The following PLAC8L1 variants were observed in gnomAD, a reference collection of about 807,000 sequenced individuals.
The protein encoded by PLAC8L1 is PLAC8-like protein 1.
In PLAC8L1, 13 loss-of-function variants were observed where a neutral mutation model predicts 16.3. That is an observed-to-expected ratio of 0.80 (90% CI 0.52 to 1.27). PLAC8L1 has a LOEUF of 1.27. Ranked by LOEUF, PLAC8L1 falls within the 50% of genes most tolerant of loss-of-function variation. The pLI, the probability that PLAC8L1 is intolerant of heterozygous loss-of-function variation, is 0.00. For synonymous variants in PLAC8L1, 78 were observed against 79.3 expected, an observed-to-expected ratio of 0.98 and a Z score of 0.09; for missense variants, 184 against 220.2, an observed-to-expected ratio of 0.84 and a Z score of 1.04.
chr5:146,085,593 G>C lies in PLAC8L1; in HGVS notation c.261C>G (p.Phe87Leu). 6.2e-7 allele frequency: 1 copy of C among 1,610,900 alleles called. No individual in the cohort carries two copies. The highest frequency in any genetic ancestry group is 1.1e-5 in the South Asian group (1 of 90,428). The change falls in exon 3 of 4, where the codon TTC becomes TTG. Residue 87 changes from phenylalanine (F) to leucine (L), a missense_variant. Physicochemically the swap from Phe to Leu is conservative, Grantham distance 22. Transcript: ENST00000311450. Reference protein sequence around the residue: ...FSVCRDRRICFCGLFCPMCLE... With the variant: ...FSVCRDRRICLCGLFCPMCLE... ...GACACATAGGACAGAATAGACCACA[G>C]AAACCTGTCAATAACCACATCCAAA...
chr5:146,094,682 G>T (rs1763681689), intron 2 of PLAC8L1, among the ~76,000 whole-genome samples: 1 of 152,150 alleles, frequency 6.6e-6, no homozygotes, highest in African/African-American at 2.4e-5. Flanking sequence ...AAAGGACACA[G>T]AGACACCCAT....
intron 2 of PLAC8L1, among the ~76,000 whole-genome samples, chr5:146,086,092 G>C (rs1292395241): frequency 1.5e-5 from 2 of 137,684 alleles, no homozygotes; most frequent in South Asian, 2.3e-4. Context: ...TGCAGTGGCG[G>C]GATCTCGGCT....
Position 146,084,327 on chromosome 5 carries a change from T to G in PLAC8L1, c.*105A>C. ...AGTAGAGACAGTAGGGGGGAAATCATTTATTTTCATACCATTTCAGTAAAA... is the reference window on the plus strand; with the variant it reads ...AGTAGAGACAGTAGGGGGGAAATCAGTTATTTTCATACCATTTCAGTAAAA... On this transcript the variant is annotated 3_prime_UTR_variant, in exon 4 of 4. Transcript: ENST00000311450. 1.4e-6 allele frequency: 2 copies of G among 1,390,222 alleles called. No homozygotes were observed. The highest frequency in any genetic ancestry group is 2.0e-6 in the Non-Finnish European group (2 of 1,016,646). 86.1% of individuals were successfully genotyped at this position (1,390,222 alleles called of 1,614,324 possible).
At chr5:146,091,814 A>C (rs898335387) in intron 2 of PLAC8L1, among the ~76,000 whole-genome samples, 1 of 152,150 alleles carries the variant, frequency 6.6e-6, no homozygotes. Flanking sequence ...AAATAAATAA[A>C]TACAATTAAA....
chr5:146,091,953 T>C (rs1281292492), intron 2 of PLAC8L1, among the ~76,000 whole-genome samples: 1 of 152,196 alleles, frequency 6.6e-6, no homozygotes, highest in African/African-American at 2.4e-5. Context: ...ATTTAGCTTC[T>C]TCCTCTTACA....
At position 146,085,705 on chromosome 5, in the gene PLAC8L1, C is replaced by A. The variant is rs1481481881; in HGVS notation, c.257-108G>T. 5.0e-6 allele frequency: 6 copies of A among 1,196,406 alleles called. No individual in the cohort carries two copies. The East Asian group carries it at 7.7e-5, about 15-fold the overall frequency. 74.1% of individuals were successfully genotyped at this position (1,196,406 alleles called of 1,614,324 possible). A position where few individuals can be genotyped will look rare whatever the true frequency, so the allele number is the denominator to read the frequency against. ...TGCCACCAGTTTAATGCTGCACTGT[C>A]TCCCTGCTATCAGACTGAGAATAAA... On this transcript the variant is annotated intron_variant, in intron 2 of 3. Coordinates refer to ENST00000311450, the MANE Select transcript of PLAC8L1 (RefSeq NM_001029869.3).
chr5:146,093,404 A>G lies in PLAC8L1; in HGVS notation c.256+4752T>C, dbSNP rs116176329. Among the ~76,000 whole-genome samples, 566 of 152,250 alleles carry G rather than the reference A, an allele frequency of 3.7e-3. 2 individuals are homozygous for G. The highest frequency in any genetic ancestry group is 0.012 in the African/African-American group (511 of 41,552). ...TTTTTAAGGTGCTGAACTGGGTCCAAAGGAAATGAGCCCTCCTCCCTGGAA... is the reference window on the plus strand; with the variant it reads ...TTTTTAAGGTGCTGAACTGGGTCCAGAGGAAATGAGCCCTCCTCCCTGGAA... On this transcript the variant is annotated intron_variant, in intron 2 of 3. Coordinates refer to ENST00000311450, the MANE Select transcript of PLAC8L1 (RefSeq NM_001029869.3).
intron 2 of PLAC8L1, among the ~76,000 whole-genome samples, chr5:146,090,255 C>T (rs1235774898): frequency 2.0e-5 from 3 of 152,042 alleles, no homozygotes; most frequent in East Asian, 1.9e-4. Flanking sequence ...AACTCTTGGC[C>T]GGGCACAGTG....
Position 146,104,491 on chromosome 5 carries a change from T to C in PLAC8L1, c.-180A>G, listed in dbSNP as rs1763876738. ...CATCTTTTTTCTTTAAAAACAGGTATACACCTAACTGTGGACACATTCATC... is the reference window on the plus strand; with the variant it reads ...CATCTTTTTTCTTTAAAAACAGGTACACACCTAACTGTGGACACATTCATC... On this transcript the variant is annotated 5_prime_UTR_variant, in exon 1 of 4. Transcript: ENST00000311450. 6 of 541,328 alleles carry C rather than the reference T, an allele frequency of 1.1e-5. 1 individual carries two copies. In the Middle Eastern group the frequency reaches 1.9e-3, roughly 174 times the overall value. 33.5% of individuals were successfully genotyped at this position (541,328 alleles called of 1,614,324 possible).
intron 2 of PLAC8L1, among the ~76,000 whole-genome samples, chr5:146,095,765 C>A (rs1444299259): frequency 6.6e-6 from 1 of 152,128 alleles, no homozygotes. Context: ...GCACATGATA[C>A]AAGCTGAGCA....
intron 2 of PLAC8L1, among the ~76,000 whole-genome samples, chr5:146,097,418 A>G (rs1763735986): frequency 6.6e-6 from 1 of 152,254 alleles, no homozygotes; most frequent in Admixed American, 6.5e-5. Context: ...TGAAAAAAGA[A>G]AAGCAAAAAG....
intron 1 of PLAC8L1, 97 bp downstream of exon 1, chr5:146,104,096 C>A: frequency 6.7e-7 from 1 of 1,490,264 alleles, no homozygotes. Context: ...TCTTCCCAAG[C>A]CCAGTTTTCT....
intron 2 of PLAC8L1, among the ~76,000 whole-genome samples, chr5:146,095,973 A>G (rs1033071212): frequency 5.9e-5 from 9 of 152,322 alleles, no homozygotes; most frequent in African/African-American, 2.2e-4. Flanking sequence ...TGGCTTATAT[A>G]TTCGTTTCCT....
At chr5:146,098,531 C>T (rs750682868) in intron 1 of PLAC8L1, among the ~76,000 whole-genome samples, 3 of 152,194 alleles carry the variant, frequency 2.0e-5, no homozygotes, top group Non-Finnish European at 4.4e-5. Flanking sequence ...CAAATTCAAG[C>T]TCAATGTCCA....
intron 2 of PLAC8L1, among the ~76,000 whole-genome samples, chr5:146,090,305 G>A (rs897994740): frequency 6.6e-5 from 10 of 151,930 alleles, no homozygotes; most frequent in Admixed American, 1.3e-4. Flanking sequence ...AGGCCGAGGC[G>A]GGTGGATCAT....
At position 146,103,879 on chromosome 5, in the gene PLAC8L1, C is replaced by A. The variant is rs1763863883; in HGVS notation, c.119+314G>T. 6.1e-6 allele frequency: 6 copies of A among 985,362 alleles called. No individual in the cohort carries two copies. The South Asian group carries it at 2.3e-4, about 39-fold the overall frequency. The allele number at this position is 985,362 out of a possible 1,614,324, so 61.0% of individuals were successfully genotyped here. On this transcript the variant is annotated intron_variant, in intron 1 of 3. Transcript: ENST00000311450. ...ATTTCAAACTCAGCTGAAGCCAAAA[C>A]CCTTGAGTTTTCATTTCAAAAGGGT...
Position 146,098,216 on chromosome 5 carries a change from C to T in PLAC8L1, c.196G>A (p.Val66Ile). 2 of 1,614,174 alleles carry T rather than the reference C, an allele frequency of 1.2e-6. No homozygotes were observed. The highest frequency in any genetic ancestry group is 1.7e-6 in the Non-Finnish European group (2 of 1,180,020). The change falls in exon 2 of 4, where the codon GTC becomes ATC. Residue 66 changes from valine to isoleucine, a missense_variant. Coordinates refer to ENST00000311450, the MANE Select transcript of PLAC8L1 (RefSeq NM_001029869.3). ...ASGRTTITAI[V>I]QTGGGWSTGL... ...GTGCTCCAGCCCCCGCCAGTCTGGA[C>T]AATTGCTGTGATTGTCGTCCTGCCA... is the stretch of plus-strand genomic sequence containing the variant.
intron 2 of PLAC8L1, among the ~76,000 whole-genome samples, chr5:146,092,941 G>A (rs1763646640): frequency 6.6e-6 from 1 of 151,858 alleles, no homozygotes; most frequent in African/African-American, 2.4e-5. Flanking sequence ...AATGTGATGT[G>A]AGATATATTA....
chr5:146,093,877 C>A, intron 2 of PLAC8L1, among the ~76,000 whole-genome samples: 1 of 152,184 alleles, frequency 6.6e-6, no homozygotes. Flanking sequence ...CTGGTGCTTA[C>A]AATGCTCGCT....
Sources: allele counts gnomAD v4.1 joint callset (sites outside exome capture counted in the v4.1 genomes callset), GRCh38; gene constraint gnomAD v4.1.1; transcripts MANE v1.5; gene names NCBI Gene and HGNC (gene_info 2026-07-23, HGNC 2026-07-21).